Variants in SACM1L observed in about 807,000 individuals in gnomAD.
SACM1L encodes SAC1 like phosphatidylinositide phosphatase.
SACM1L carries 32 observed loss-of-function variants against 89.5 expected under a neutral mutation model. That is an observed-to-expected ratio of 0.36 (90% CI 0.27 to 0.48). SACM1L has a LOEUF of 0.48. Ranked by LOEUF, SACM1L falls within the 20% of genes least tolerant of loss-of-function variation. The probability of loss-of-function intolerance (pLI) is 0.99; values close to 1 mark genes in which losing one functional copy is unlikely to be tolerated. For missense variants in SACM1L, 543 were observed against 708.5 expected, an observed-to-expected ratio of 0.77 and a Z score of 2.65; for synonymous variants, 213 against 232.8, an observed-to-expected ratio of 0.92 and a Z score of 0.77.
rs762193002 is a variant in SACM1L, at chr3:45,732,171, TAAG to T, written c.1100+21_1100+23del. 14 of 1,475,032 alleles carry T rather than the reference TAAG, an allele frequency of 9.5e-6. No individual in the cohort carries two copies. In the South Asian group the frequency reaches 9.7e-5, roughly 10 times the overall value. 91.4% of individuals were successfully genotyped at this position (1,475,032 alleles called of 1,614,324 possible). ...ATTAAGGTAAGCTATATTATTTCCTTAAGGAGGTAGAGGGAAGAGGTATATATA... is the reference window on the plus strand; with the variant it reads ...ATTAAGGTAAGCTATATTATTTCCTTGAGGTAGAGGGAAGAGGTATATATA... On this transcript the variant is annotated intron_variant, in intron 13 of 19. Transcript: ENST00000389061.
chr3:45,704,143 G>A (rs1698334321), intron 2 of SACM1L, among the ~76,000 whole-genome samples: 1 of 152,038 alleles, frequency 6.6e-6, no homozygotes, highest in Non-Finnish European at 1.5e-5. Flanking sequence ...AGATAAATAC[G>A]AAATAATTTT....
intron 7 of SACM1L, among the ~76,000 whole-genome samples, 166 bp downstream of exon 7, chr3:45,714,245 T>C (rs929237310): frequency 6.6e-6 from 1 of 151,680 alleles, no homozygotes; most frequent in Non-Finnish European, 1.5e-5. Flanking sequence ...TTGTTTGTTT[T>C]TTTTTTTTTT....
At chr3:45,732,024 C>A in intron 12 of SACM1L, 29 bp from the exon 13 acceptor site, 1 of 1,295,242 alleles carries the variant, frequency 7.7e-7, no homozygotes, top group Non-Finnish European at 1.1e-6. Flanking sequence ...GATCTCTGGT[C>A]GGTTTCTGAA....
chr3:45,723,572 A>G (rs752843589), intron 11 of SACM1L, 29 bp downstream of exon 11: 3 of 1,251,068 alleles, frequency 2.4e-6, no homozygotes, highest in African/African-American at 3.1e-5. Flanking sequence ...TTGGGGGGAA[A>G]AAAAAGCCTT....
intron 1 of SACM1L, among the ~76,000 whole-genome samples, chr3:45,694,481 C>G (rs1302232632): frequency 6.6e-6 from 1 of 152,132 alleles, no homozygotes; most frequent in Admixed American, 6.5e-5. Flanking sequence ...TCAGATTATT[C>G]TCATGAGTTT....
chr3:45,739,617 A>G lies in SACM1L; in HGVS notation c.1600A>G (p.Met534Val). 4 of 1,614,032 alleles carry G rather than the reference A, an allele frequency of 2.5e-6. No homozygotes were observed. Among genetic ancestry groups the G allele is most frequent in the Admixed American group, 1.7e-5 (1 of 60,016 alleles). ...TATTATCATGGTTGTTGCCTTTTCA[A>G]TGTGCATTATCTGTTTGCTTATGGC... ...LPIIMVVAFSMCIICLLMAGD... is the reference protein window; with the variant it reads ...LPIIMVVAFSVCIICLLMAGD... The change falls in exon 19 of 20, where the codon ATG becomes GTG. Residue 534 changes from methionine to valine, a missense_variant. Met to Val is a conservative substitution (Grantham distance 21, BLOSUM62 1). Around this residue, in one of 2 missense-constraint regions of SACM1L, gnomAD observed 370 missense variants for 527.6 expected, o/e 0.70. Coordinates refer to ENST00000389061, the MANE Select transcript of SACM1L (RefSeq NM_014016.5).
intron 1 of SACM1L, among the ~76,000 whole-genome samples, chr3:45,690,774 C>T (rs886710134): frequency 6.6e-6 from 1 of 152,210 alleles, no homozygotes; most frequent in African/African-American, 2.4e-5. Context: ...TTGCAAAGTG[C>T]TCACCTCGTC....
chr3:45,730,253 A>G (rs1245634094), intron 11 of SACM1L, among the ~76,000 whole-genome samples: 1 of 151,030 alleles, frequency 6.6e-6, no homozygotes, highest in Non-Finnish European at 1.5e-5. Flanking sequence ...TTTGATTATT[A>G]TAATATCATA....
rs1698932766 is a variant in SACM1L, at chr3:45,726,880, T to TC, written c.921+3337_921+3338insC. Among the ~76,000 whole-genome samples the TC allele has an allele frequency of 4.1e-5, 2 of 48,862 alleles. 1 individual carries two copies. The allele number at this position is 48,862 out of a possible 152,430, so 32.1% of individuals were successfully genotyped here. ...CTTTTGCTTTATTTCTTTTTTTTTTTTTTTTTTTTTTTTTTTGAGACGGAG... is the reference window on the plus strand; with the variant it reads ...CTTTTGCTTTATTTCTTTTTTTTTTTCTTTTTTTTTTTTTTTTGAGACGGAG... On this transcript the variant is annotated intron_variant, in intron 11 of 19. Coordinates refer to ENST00000389061, the MANE Select transcript of SACM1L (RefSeq NM_014016.5).
intron 1 of SACM1L, among the ~76,000 whole-genome samples, chr3:45,699,300 TA>T (rs1369429358): frequency 2.7e-5 from 4 of 150,498 alleles, no homozygotes; most frequent in East Asian, 1.9e-4. Context: ...AATAAATAAA[TA>T]AAAAAATAAT....
intron 13 of SACM1L, chr3:45,734,761 C>G (rs998839323): frequency 1.3e-5 from 2 of 152,366 alleles, no homozygotes; most frequent in Non-Finnish European, 2.9e-5. Flanking sequence ...ATTTTTAATG[C>G]AAAATATTCA....
chr3:45,737,383 G>T, intron 14 of SACM1L, 200 bp from the exon 15 acceptor site: 1 of 590,590 alleles, frequency 1.7e-6, no homozygotes, highest in South Asian at 2.2e-5. Context: ...AGGCAAAGGT[G>T]CCCTCAGGAG....
chr3:45,724,966 T>G (rs945021595), intron 11 of SACM1L, among the ~76,000 whole-genome samples: 2 of 152,220 alleles, frequency 1.3e-5, no homozygotes, highest in Non-Finnish European at 2.9e-5. Context: ...TTGAATGGTC[T>G]GTCACCATAA....
At position 45,722,973 on chromosome 3, in the gene SACM1L, CT is replaced by C. The variant is rs960584150; in HGVS notation, c.852+24del. The C allele has an allele frequency of 3.8e-6, 6 of 1,585,336 alleles. No homozygotes were observed. Among genetic ancestry groups the C allele is most frequent in the Admixed American group, 1.7e-5 (1 of 59,394 alleles). On this transcript the variant is annotated intron_variant, in intron 10 of 19. Transcript: ENST00000389061. Reference sequence around the variant, plus strand: ...CAAATCACGTGTGTATCTTGCATGCCTTTTTTGTTGGTTAAAAATAGAAGCT... The same window carrying C: ...CAAATCACGTGTGTATCTTGCATGCCTTTTTGTTGGTTAAAAATAGAAGCT...
At chr3:45,709,082 G>C (rs1266780449) in intron 4 of SACM1L, among the ~76,000 whole-genome samples, 1 of 152,156 alleles carries the variant, frequency 6.6e-6, no homozygotes, top group East Asian at 1.9e-4. Context: ...TGGGCCCGTC[G>C]TAAATTTATG....
chr3:45,724,320 T>TGTG (rs746180156), intron 11 of SACM1L, among the ~76,000 whole-genome samples: 25 of 151,704 alleles, frequency 1.6e-4, no homozygotes, highest in Non-Finnish European at 3.7e-4. Flanking sequence ...TGTGTGTGTG[T>TGTG]GTGTGTGTGT....
chr3:45,737,172 A>C, intron 14 of SACM1L: 1 of 180,568 alleles, frequency 5.5e-6, no homozygotes, highest in East Asian at 1.7e-4. Flanking sequence ...ACAGAGGGTA[A>C]GGCTGGGGTG....
At chr3:45,740,009 G>A in intron 19 of SACM1L, 1 of 229,156 alleles carries the variant, frequency 4.4e-6, no homozygotes, top group Admixed American at 5.3e-5. Flanking sequence ...TTCCAAAGAG[G>A]GTTTTAAGGA....
rs115736854 is a variant in SACM1L at position 45,717,519 on chromosome 3, C to T, written c.578-1981C>T. Among the ~76,000 whole-genome samples, 1,300 of 152,284 alleles carry T rather than the reference C, an allele frequency of 8.5e-3. 7 individuals carry two copies. The highest frequency in any genetic ancestry group is 0.027 in the Middle Eastern group (8 of 294). On this transcript the variant is annotated intron_variant, in intron 7 of 19. Coordinates refer to ENST00000389061, the MANE Select transcript of SACM1L (RefSeq NM_014016.5). ...TAGGGAAGGAGCAGATAAATAGATTCAGGGTTTTGGTACTGTTTTGAAGTT... is the reference window on the plus strand; with the variant it reads ...TAGGGAAGGAGCAGATAAATAGATTTAGGGTTTTGGTACTGTTTTGAAGTT...
Sources: gnomAD v4.1 joint callset for allele counts (sites outside exome capture counted in the v4.1 genomes callset) on GRCh38, gnomAD v4.1.1 for gene constraint, gnomAD v4.1.1 regional missense constraint, MANE v1.5 for transcripts, NCBI Gene and HGNC (gene_info 2026-07-23, HGNC 2026-07-21) for gene names.